SV2C: variants seen among roughly 807,000 people sequenced by gnomAD.
The protein encoded by SV2C is synaptic vesicle glycoprotein 2C.
Under a neutral mutation model 79.7 loss-of-function variants are expected in SV2C, and 49 were observed. That is an observed-to-expected ratio of 0.61 (90% CI 0.49 to 0.78). The LOEUF (loss-of-function observed/expected upper bound fraction) is 0.78. Among genes scored for constraint, SV2C ranks in the 30% least tolerant of loss-of-function variants. The pLI is 0.00. For missense variants in SV2C, 833 were observed against 912.9 expected, an observed-to-expected ratio of 0.91 and a Z score of 1.13; for synonymous variants, 334 against 333.2, an observed-to-expected ratio of 1.00 and a Z score of -0.03.
chr5:76,046,039 G>A, the SV2C span, among the ~76,000 whole-genome samples: 1 of 152,200 alleles, frequency 6.6e-6, no homozygotes, highest in Non-Finnish European at 1.5e-5. Context: ...GCTTACTATA[G>A]TGGGAAGAGA....
chr5:75,872,034 T>C, the SV2C span, among the ~76,000 whole-genome samples: 1 of 147,000 alleles, frequency 6.8e-6, no homozygotes, highest in East Asian at 1.9e-4. Flanking sequence ...TAGCAATATA[T>C]AACAAAACTA....
chr5:76,321,687 G>A (rs1256490130), intron 12 of SV2C, among the ~76,000 whole-genome samples: 2 of 150,460 alleles, frequency 1.3e-5, no homozygotes, highest in Admixed American at 6.6e-5. Flanking sequence ...GCTGCAGTGA[G>A]CCAAGATTCC....
chr5:76,003,755 C>T, the SV2C span, among the ~76,000 whole-genome samples: 4 of 152,014 alleles, frequency 2.6e-5, no homozygotes, highest in African/African-American at 4.8e-5. Context: ...GTATAAAAAG[C>T]AGGGGCCATT....
intron 1 of SV2C, among the ~76,000 whole-genome samples, chr5:76,107,223 G>A (rs141463099): frequency 2.3e-4 from 35 of 152,282 alleles, no homozygotes; most frequent in Admixed American, 6.5e-4. Flanking sequence ...TTCTAATTTA[G>A]GAGCAACAGA....
intron 1 of SV2C, among the ~76,000 whole-genome samples, chr5:76,122,354 C>G (rs1048388110): frequency 2.0e-5 from 3 of 151,352 alleles, no homozygotes; most frequent in Non-Finnish European, 4.4e-5. Context: ...TAATTGAATA[C>G]CCTTTATTTC....
chr5:75,928,011 T>C, the SV2C span, among the ~76,000 whole-genome samples: 1 of 152,186 alleles, frequency 6.6e-6, no homozygotes, highest in African/African-American at 2.4e-5. Flanking sequence ...AGACATAGTA[T>C]TGGATTCTTT....
At chr5:75,913,997 C>A in the SV2C span, among the ~76,000 whole-genome samples, 1 of 152,026 alleles carries the variant, frequency 6.6e-6, no homozygotes, top group Non-Finnish European at 1.5e-5. Context: ...TATATTTTAA[C>A]TTGAAACCTA....
the SV2C span, among the ~76,000 whole-genome samples, chr5:75,993,194 A>T: frequency 6.6e-6 from 1 of 152,112 alleles, no homozygotes; most frequent in African/African-American, 2.4e-5. Flanking sequence ...TAATAATTTT[A>T]CTATTTTTCA....
chr5:76,088,723 A>G (rs1020822864), intron 1 of SV2C, among the ~76,000 whole-genome samples: 1 of 152,194 alleles, frequency 6.6e-6, no homozygotes, highest in Admixed American at 6.5e-5. Flanking sequence ...AAAGTATTTG[A>G]GTGTCCTATA....
intron 3 of SV2C, among the ~76,000 whole-genome samples, chr5:76,198,048 G>A (rs892427859): frequency 1.3e-5 from 2 of 152,124 alleles, no homozygotes; most frequent in African/African-American, 2.4e-5. Flanking sequence ...CTGCCTTTTT[G>A]TTCTCTCCAG....
intron 2 of SV2C, among the ~76,000 whole-genome samples, chr5:76,184,668 A>G (rs1743855273): frequency 6.6e-6 from 1 of 152,148 alleles, no homozygotes; most frequent in Admixed American, 6.5e-5. Context: ...ATCTCATGAG[A>G]ACTCACTGAG....
At chr5:75,856,387 G>A in the SV2C span, among the ~76,000 whole-genome samples, 1 of 152,142 alleles carries the variant, frequency 6.6e-6, no homozygotes, top group African/African-American at 2.4e-5. Flanking sequence ...AGTGGTTGTA[G>A]TAATTTACAT....
the SV2C span, among the ~76,000 whole-genome samples, chr5:75,878,489 A>C: frequency 6.6e-6 from 1 of 152,202 alleles, no homozygotes; most frequent in Non-Finnish European, 1.5e-5. Context: ...TAATGGTAGG[A>C]ATAATTGGCA....
At chr5:76,237,968 T>TC (rs1745659313) in intron 4 of SV2C, among the ~76,000 whole-genome samples, 1 of 101,352 alleles carries the variant, frequency 9.9e-6, no homozygotes, top group Non-Finnish European at 2.1e-5. Context: ...TCCAGAGGAC[T>TC]AACACACACA....
chr5:75,910,622 G>C, the SV2C span: 2 of 826,796 alleles, frequency 2.4e-6, no homozygotes, highest in South Asian at 1.3e-5. Flanking sequence ...TGTGGATTAT[G>C]ATGGTGCCCA....
chr5:76,232,124 G>A (rs1353792501), intron 4 of SV2C, among the ~76,000 whole-genome samples: 1 of 149,702 alleles, frequency 6.7e-6, no homozygotes, highest in Admixed American at 6.6e-5. Flanking sequence ...TTTAATGATT[G>A]CCATTCTAAC....
chr5:75,881,969 C>T, the SV2C span, among the ~76,000 whole-genome samples: 1 of 147,994 alleles, frequency 6.8e-6, no homozygotes, highest in Non-Finnish European at 1.5e-5. Flanking sequence ...TGAAATACGT[C>T]CCATCAATAC....
chr5:76,093,718 T>C (rs912992452), intron 1 of SV2C, among the ~76,000 whole-genome samples: 1 of 152,208 alleles, frequency 6.6e-6, no homozygotes, highest in Non-Finnish European at 1.5e-5. Context: ...ATAAAGCACA[T>C]TGCATTCATC....
At chr5:76,347,612 T>C (rs577291336) in intron 12 of SV2C, among the ~76,000 whole-genome samples, 2 of 152,240 alleles carry the variant, frequency 1.3e-5, no homozygotes, top group African/African-American at 2.4e-5. Context: ...CGGCTAATTT[T>C]TGTATTTTTA....
Sources: gnomAD v4.1 joint callset for allele counts (sites outside exome capture counted in the v4.1 genomes callset) on GRCh38, gnomAD v4.1.1 for gene constraint, MANE v1.5 for transcripts, NCBI Gene and HGNC (gene_info 2026-07-23, HGNC 2026-07-21) for gene names.